Variants in VASP observed in about 807,000 individuals in gnomAD.
VASP encodes the protein vasodilator stimulated phosphoprotein.
Under a neutral mutation model 54.4 loss-of-function variants are expected in VASP, and 27 were observed. The observed-to-expected ratio is 0.50, with a 90% confidence interval of 0.37 to 0.68. The LOEUF is 0.68. Among genes scored for constraint, VASP ranks in the 30% least tolerant of loss-of-function variants. VASP has a pLI of 0.00. For missense variants in VASP, 488 were observed against 528.3 expected, an observed-to-expected ratio of 0.92 and a Z score of 0.75; for synonymous variants, 233 against 209.8, an observed-to-expected ratio of 1.11 and a Z score of -0.96.
At chr19:45,523,372 T>A (rs1056598676) in intron 7 of VASP, among the ~76,000 whole-genome samples, 1 of 151,620 alleles carries the variant, frequency 6.6e-6, no homozygotes, top group African/African-American at 2.4e-5. Flanking sequence ...CCGGCTAATT[T>A]TTGTATTTTT....
At chr19:45,517,899 G>A (rs1483553933) in intron 2 of VASP, 30 bp from the exon 3 acceptor site, 8 of 401,786 alleles carry the variant, frequency 2.0e-5, no homozygotes, top group African/African-American at 8.8e-5. Context: ...TGCGCCCGCC[G>A]CCCCTCACCC....
chr19:45,521,341 C>A lies in VASP; in HGVS notation c.363C>A (p.Pro121=). 1 of 1,580,646 alleles carries A rather than the reference C, an allele frequency of 6.3e-7. No homozygotes were observed. Residue 121 remains proline, a synonymous_variant, in exon 4 of 13, where the codon CCC becomes CCA. Coordinates refer to ENST00000245932, the MANE Select transcript of VASP (RefSeq NM_003370.4). ...EALEGGGPPP[P]PALPTWSVPN... is the part of the protein sequence containing the mutation. ...TTTCAGGAGGTGGGCCCCCTCCACC[C>A]CCAGCACTTCCCACCTGGTCGGTCC...
At chr19:45,511,467 C>T (rs1219962630) in intron 1 of VASP, among the ~76,000 whole-genome samples, 1 of 152,130 alleles carries the variant, frequency 6.6e-6, no homozygotes, top group Non-Finnish European at 1.5e-5. Context: ...AACAAGGAGG[C>T]AACTTGAACC....
chr19:45,523,674 C>T lies in VASP; in HGVS notation c.852C>T (p.Thr284=). ...RRKATQVGEK[T]PKDESANQEE... is the part of the protein sequence containing the mutation. The stretch of plus-strand genomic sequence containing the variant: ...AAGCCACGCAAGTTGGGGAGAAAAC[C>T]CCCAAGGATGAATCTGCCAATGTAA... Residue 284 remains threonine (T), a synonymous_variant, in exon 8 of 13, where the codon ACC becomes ACT. Transcript: ENST00000245932. The T allele has an allele frequency of 6.2e-7, 1 of 1,614,072 alleles. No individual in the cohort carries two copies. Among genetic ancestry groups the T allele is most frequent in the Non-Finnish European group, 8.5e-7 (1 of 1,180,020 alleles).
At chr19:45,519,258 C>T (rs1251404828) in intron 3 of VASP, among the ~76,000 whole-genome samples, 1 of 152,130 alleles carries the variant, frequency 6.6e-6, no homozygotes, top group Admixed American at 6.5e-5. Context: ...TTGTGATCCG[C>T]CCGCCTAGGC....
chr19:45,522,767 G>A lies in VASP; in HGVS notation c.770G>A (p.Arg257Gln), dbSNP rs1050925154. The change falls in exon 7 of 13, where the codon CGA becomes CAA. Residue 257 changes from arginine (R) to glutamine (Q), a missense_variant. Transcript: ENST00000245932. ...ACAGCCCCCAAAGCTGAGAGTGGTC[G>A]AAGCGGAGGTGGGGGACTCATGGAA... Reference protein sequence around the residue: ...GPTAPKAESGRSGGGGLMEEM... With the variant: ...GPTAPKAESGQSGGGGLMEEM... 7.5e-6 allele frequency: 12 copies of A among 1,600,748 alleles called. No homozygotes were observed. Among genetic ancestry groups the A allele is most frequent in the African/African-American group, 1.4e-5 (1 of 73,648 alleles).
intron 1 of VASP, among the ~76,000 whole-genome samples, chr19:45,510,036 A>C (rs1968569986): frequency 6.6e-6 from 1 of 152,212 alleles, no homozygotes; most frequent in African/African-American, 2.4e-5. Context: ...GGTGCTGGGA[A>C]GACAGAGAAG....
chr19:45,509,088 C>A (rs1175827785), intron 1 of VASP, among the ~76,000 whole-genome samples: 1 of 152,234 alleles, frequency 6.6e-6, no homozygotes, highest in African/African-American at 2.4e-5. Flanking sequence ...GTGCCCACAT[C>A]CCCCGCATTT....
At chr19:45,516,740 T>C (rs1599932383) in intron 1 of VASP, among the ~76,000 whole-genome samples, 1 of 152,216 alleles carries the variant, frequency 6.6e-6, no homozygotes, top group East Asian at 1.9e-4. Flanking sequence ...GGCTCACCCC[T>C]GTAATCCCAG....
intron 1 of VASP, among the ~76,000 whole-genome samples, chr19:45,510,214 G>GT (rs1271163748): frequency 6.1e-5 from 9 of 148,028 alleles, no homozygotes; most frequent in Admixed American, 2.1e-4. Flanking sequence ...ATTCTGGCTG[G>GT]TTTTTTTGTT....
In VASP at chr19:45,507,662, TGG is replaced by T. The variant is rs2122269158; in HGVS notation, c.-106_-105del. On this transcript the variant is annotated 5_prime_UTR_variant, in exon 1 of 13. An upstream open reading frame in the 5' UTR loses its in-frame stop. Coordinates refer to ENST00000245932, the MANE Select transcript of VASP (RefSeq NM_003370.4). The surrounding 1 kb of genome is among the most constrained non-coding windows in gnomAD (Gnocchi z 4.4). ...AGCCGGACTCTATGGGGCGGGACCC[TGG>T]GGGAGCCTGAGCCGAGCCCGGAGCC... 1 of 1,416,738 alleles carries T rather than the reference TGG, an allele frequency of 7.1e-7. No homozygotes were observed. The highest frequency in any genetic ancestry group is 9.5e-7 in the Non-Finnish European group (1 of 1,054,008). The allele number at this position is 1,416,738 out of a possible 1,614,324, so 87.8% of individuals were successfully genotyped here.
Position 45,518,039 on chromosome 19 carries a change from G to T in VASP, c.288G>T (p.Lys96Asn). 1 of 1,613,942 alleles carries T rather than the reference G, an allele frequency of 6.2e-7. No homozygotes were observed. Among genetic ancestry groups the T allele is most frequent in the Non-Finnish European group, 8.5e-7 (1 of 1,180,014 alleles). The change falls in exon 3 of 13, where the codon AAG (lysine) becomes AAT (asparagine). Residue 96 changes from lysine to asparagine, a missense_variant. This residue lies in a region of VASP where 127 missense variants were observed against 170.7 expected (regional missense o/e 0.74). Transcript: ENST00000245932. ...RQVWGLNFGS[K>N]EDAAQFAAGM... The stretch of plus-strand genomic sequence containing the variant: ...TCTGGGGCCTCAACTTCGGCAGCAA[G>T]GAGGATGCGGCCCAGTTTGCCGCCG...
At chr19:45,508,785 A>G (rs1219626686) in intron 1 of VASP, among the ~76,000 whole-genome samples, 1 of 152,116 alleles carries the variant, frequency 6.6e-6, no homozygotes, top group East Asian at 1.9e-4. Flanking sequence ...AGATAATTCC[A>G]GCTATCTTCC....
At position 45,507,619 on chromosome 19, in the gene VASP, T is replaced by A; in HGVS notation, c.-153T>A. On this transcript the variant is annotated 5_prime_UTR_variant, in exon 1 of 13. Transcript: ENST00000245932. This position sits in a 1 kb window ranked among gnomAD's most constrained non-coding sequence, Gnocchi z 4.4. ...CGCCCGGAGACCCGCCCCGGCCCGG[T>A]CCACATTCTCCCCAGGAAGCCGGAC... is the stretch of plus-strand genomic sequence containing the variant. 1.1e-6 allele frequency: 1 copy of A among 948,064 alleles called. No homozygotes were observed. Among genetic ancestry groups the A allele is most frequent in the Non-Finnish European group, 1.5e-6 (1 of 667,948 alleles). 58.7% of individuals were successfully genotyped at this position (948,064 alleles called of 1,614,324 possible).
rs139737818 is a variant in VASP, at chr19:45,521,382, C to T, written c.404C>T (p.Pro135Leu). ...TGGTCGGTCCCGAACGGCCCCTCCC[C>T]GGAGGAGGTGGAGCAGCAGAAAAGG... is the stretch of plus-strand genomic sequence containing the variant. The part of the protein sequence containing the change: ...PTWSVPNGPS[P>L]EEVEQQKRQQ... Residue 135 changes from proline (P) to leucine (L), a missense_variant, in exon 4 of 13, where the codon CCG becomes CTG. Physicochemically the swap from Pro to Leu is moderately conservative, Grantham distance 98 (BLOSUM62 -3). This residue lies in a region of VASP where 226 missense variants were observed against 196.0 expected (regional missense o/e 1.15). Transcript: ENST00000245932. 50 of 1,575,674 alleles carry T rather than the reference C, an allele frequency of 3.2e-5. No individual in the cohort carries two copies. The highest frequency in any genetic ancestry group is 1.2e-4 in the African/African-American group (9 of 74,298).
intron 3 of VASP, among the ~76,000 whole-genome samples, chr19:45,520,494 A>G (rs77012215): frequency 0.03 from 4,517 of 152,332 alleles, 226 homozygotes; most frequent in African/African-American, 0.1. Flanking sequence ...TCTGGGGCAC[A>G]CAGAAAAATA....
Position 45,523,886 on chromosome 19 carries a change from A to G in VASP, c.910+9A>G. 1 of 1,610,508 alleles carries G rather than the reference A, an allele frequency of 6.2e-7. No individual in the cohort carries two copies. Among genetic ancestry groups the G allele is most frequent in the Non-Finnish European group, 8.5e-7 (1 of 1,179,924 alleles). Reference sequence around the variant, plus strand: ...AGTCCCGGCCCAGAGTGGTGAGTAGAGTGCCCAGTCCAGCCACAGGAACTA... The same window carrying G: ...AGTCCCGGCCCAGAGTGGTGAGTAGGGTGCCCAGTCCAGCCACAGGAACTA... On this transcript the variant is annotated intron_variant, in intron 9 of 12. Coordinates refer to ENST00000245932, the MANE Select transcript of VASP (RefSeq NM_003370.4).
At chr19:45,523,564 G>T in intron 7 of VASP, 80 bp from the exon 8 acceptor site, 3 of 1,512,808 alleles carry the variant, frequency 2.0e-6, no homozygotes, top group South Asian at 1.2e-5. Flanking sequence ...TATGCGCTAG[G>T]ATCTACATTT....
intron 11 of VASP, 148 bp from the exon 12 acceptor site, chr19:45,525,798 A>G: frequency 1.4e-6 from 1 of 695,522 alleles, no homozygotes; most frequent in Non-Finnish European, 2.4e-6. Context: ...GAGCCTGGGA[A>G]GTTGAGGCTG....
Sources: gnomAD v4.1 joint callset for allele counts (sites outside exome capture counted in the v4.1 genomes callset) on GRCh38, gnomAD v4.1.1 for gene constraint, gnomAD v4.1.1 regional missense constraint, Gnocchi (gnomAD v3.1) non-coding constraint, MANE v1.5 for transcripts, NCBI Gene and HGNC (gene_info 2026-07-23, HGNC 2026-07-21) for gene names.